UNC79: variants seen among roughly 807,000 people sequenced by gnomAD.
UNC79 encodes the protein protein unc-79 homolog.
Under a neutral mutation model 283.1 loss-of-function variants are expected in UNC79, and 37 were observed. That is an observed-to-expected ratio of 0.13 (90% CI 0.10 to 0.17). The LOEUF (loss-of-function observed/expected upper bound fraction) is 0.17. Among genes scored for constraint, UNC79 ranks in the 10% least tolerant of loss-of-function variants. The pLI is 1.00. For synonymous variants in UNC79, 1,107 were observed against 1,200.2 expected (o/e 0.92, Z 1.61); for missense variants, 2,272 against 3,211.1 (o/e 0.71, Z 7.07).
Position 93,617,246 on chromosome 14 carries a change from C to T in UNC79, c.4166C>T (p.Ser1389Phe), listed in dbSNP as rs2066796871. 6.2e-7 allele frequency: 1 copy of T among 1,614,202 alleles called. No homozygotes were observed. The highest frequency in any genetic ancestry group is 2.2e-5 in the East Asian group (1 of 44,886). ...CAGCCGCCTCGTTGCTCCCTCTGGT[C>T]CCTAAAGCCTCACATCCGGCAGATG... The change falls in exon 28 of 49, where the codon TCC becomes TTC. Residue 1389 changes from serine to phenylalanine, a missense_variant. Physicochemically the swap from Ser to Phe is radical, Grantham distance 155 (BLOSUM62 -2). This residue lies in a region of UNC79 where 128 missense variants were observed against 230.3 expected (regional missense o/e 0.56). Transcript: ENST00000555664. The surrounding 1 kb of genome is among the most constrained non-coding windows in gnomAD (Gnocchi z 4.5).
At chr14:93,464,603 A>C (rs764594365) in intron 1 of UNC79, 11 of 456,196 alleles carry the variant, frequency 2.4e-5, no homozygotes, top group Non-Finnish European at 4.4e-5. Context: ...GGCTTTTTAA[A>C]GTATAAGGAA....
At chr14:93,533,550 A>G (rs1160293092) in intron 11 of UNC79, among the ~76,000 whole-genome samples, 4 of 151,968 alleles carry the variant, frequency 2.6e-5, no homozygotes, top group African/African-American at 9.7e-5. Flanking sequence ...GAATGGTGAG[A>G]TGGGTGGGGT....
At chr14:93,475,967 T>C (rs1422862175) in intron 3 of UNC79, among the ~76,000 whole-genome samples, 1 of 152,184 alleles carries the variant, frequency 6.6e-6, no homozygotes, top group East Asian at 1.9e-4. Flanking sequence ...AAAAACTCAG[T>C]AGATCAATCT....
intron 4 of UNC79, among the ~76,000 whole-genome samples, chr14:93,483,412 T>C (rs2140419531): frequency 6.6e-6 from 1 of 152,226 alleles, no homozygotes; most frequent in African/African-American, 2.4e-5. Context: ...GAATTTTTAA[T>C]ATTATTTAAT....
chr14:93,538,804 CAAAA>C (rs534706329), intron 12 of UNC79, among the ~76,000 whole-genome samples: 10 of 111,394 alleles, frequency 9.0e-5, no homozygotes, highest in African/African-American at 3.4e-4. Context: ...ATCACATGAC[CAAAA>C]AAAAAAAAAA....
chr14:93,622,262 C>T lies in UNC79; in HGVS notation c.5029C>T (p.Leu1677Phe), dbSNP rs1016531112. The stretch of plus-strand genomic sequence containing the variant: ...CTCCGTCCCCAGCCATCCCTCCGTC[C>T]TCAGCCTGAGCACAGCTCCGCTTGT... The change falls in exon 30 of 49, where the codon CTC (leucine) becomes TTC (phenylalanine). Residue 1677 changes from leucine (L) to phenylalanine (F), a missense_variant. Leu to Phe is a conservative substitution (Grantham distance 22, BLOSUM62 0). This residue lies in a region of UNC79 where 580 missense variants were observed against 632.2 expected (regional missense o/e 0.92). Transcript: ENST00000555664. 3 of 1,614,202 alleles carry T rather than the reference C, an allele frequency of 1.9e-6. No individual in the cohort carries two copies. In the Admixed American group the frequency reaches 5.0e-5, roughly 27 times the overall value.
intron 1 of UNC79, among the ~76,000 whole-genome samples, chr14:93,464,093 G>A (rs989857511): frequency 6.6e-6 from 1 of 152,130 alleles, no homozygotes; most frequent in African/African-American, 2.4e-5. Context: ...AGCTGGTAGT[G>A]AGCCGAGATC....
At chr14:93,591,095 G>T (rs1315938148) in intron 22 of UNC79, among the ~76,000 whole-genome samples, 1 of 152,190 alleles carries the variant, frequency 6.6e-6, no homozygotes, top group Non-Finnish European at 1.5e-5. Flanking sequence ...TGAGGTCCCT[G>T]TTTGTCTGAC....
intron 14 of UNC79, among the ~76,000 whole-genome samples, chr14:93,571,154 T>G (rs2141596791): frequency 6.6e-6 from 1 of 152,356 alleles, no homozygotes; most frequent in East Asian, 1.9e-4. Flanking sequence ...TCATTTAAAT[T>G]AAGGTAGTTT....
chr14:93,691,987 A>AG, intron 46 of UNC79, 41 bp downstream of exon 49: 2 of 1,607,034 alleles, frequency 1.2e-6, no homozygotes, highest in Non-Finnish European at 1.7e-6. Context: ...ATGGAATCTC[A>AG]AAGTGTCCAC....
At chr14:93,523,729 T>C (rs1292198876) in intron 7 of UNC79, among the ~76,000 whole-genome samples, 2 of 152,202 alleles carry the variant, frequency 1.3e-5, no homozygotes, top group African/African-American at 4.8e-5. Context: ...TGAAAACTTA[T>C]TAATGGCATA....
rs575835052 is a variant in UNC79, at chr14:93,407,573, T to A, written c.-350-60098T>A. Among the ~76,000 whole-genome samples the A allele has an allele frequency of 5.9e-5, 9 of 152,112 alleles. 1 individual carries two copies. Among genetic ancestry groups the A allele is most frequent in the Admixed American group, 4.6e-4 (7 of 15,274 alleles). ...ATCTGTTCTCTCTAACAAAGGTCTG[T>A]CCTTAAAGGAAACTACCAGGCCTTA... On this transcript the variant is annotated intron_variant, in intron 1 of 49. Transcript: ENST00000256339.
intron 12 of UNC79, 146 bp from the exon 13 acceptor site, chr14:93,540,514 A>T: frequency 1.3e-6 from 1 of 793,608 alleles, no homozygotes; most frequent in Non-Finnish European, 1.9e-6. Context: ...GATGCACAGT[A>T]CTCAGTAACT....
exon 30 of UNC79, chr14:93,622,564 G>C (rs1406354596): frequency 6.2e-7 from 1 of 1,614,100 alleles, no homozygotes; most frequent in East Asian, 2.2e-5. Flanking sequence ...CTGGGGAGCT[G>C]ATGCCAAGTT....
intron 19 of UNC79, among the ~76,000 whole-genome samples, chr14:93,581,096 A>G (rs1442774883): frequency 1.3e-5 from 2 of 152,190 alleles, no homozygotes; most frequent in Non-Finnish European, 2.9e-5. Flanking sequence ...CTCACATGTT[A>G]TAGCAGTTTT....
chr14:93,426,341 T>G (rs2055724896), upstream of UNC79, among the ~76,000 whole-genome samples: 1 of 151,676 alleles, frequency 6.6e-6, no homozygotes, highest in Admixed American at 6.6e-5. Context: ...TGCTTGGGGG[T>G]TTGTACTTCT....
At chr14:93,619,244 A>G (rs2066951307) in intron 29 of UNC79, among the ~76,000 whole-genome samples, 2 of 152,182 alleles carry the variant, frequency 1.3e-5, no homozygotes, top group Admixed American at 6.5e-5. Context: ...ATCCCTCCTA[A>G]AGAATATCTT....
At chr14:93,667,493 CAGAA>C (rs1361634078) in intron 40 of UNC79, among the ~76,000 whole-genome samples, 3 of 152,104 alleles carry the variant, frequency 2.0e-5, no homozygotes, top group African/African-American at 7.2e-5. Flanking sequence ...ACAAAACATC[CAGAA>C]AGAAAGAAAA....
At chr14:93,691,902 A>T (rs2074724848) in exon 46 of UNC79, 1 of 1,614,220 alleles carries the variant, frequency 6.2e-7, no homozygotes, top group Non-Finnish European at 8.5e-7. Context: ...ATTTTGGAGT[A>T]GGGTGACACC....
Sources: allele counts gnomAD v4.1 joint callset (sites outside exome capture counted in the v4.1 genomes callset), GRCh38; gene constraint gnomAD v4.1.1; regional missense constraint gnomAD v4.1.1; non-coding constraint Gnocchi (gnomAD v3.1); transcripts MANE v1.5; gene names NCBI Gene and HGNC (gene_info 2026-07-23, HGNC 2026-07-21).